The following RLF variants were observed in gnomAD, a reference collection of about 807,000 sequenced individuals.
RLF encodes RLF zinc finger.
RLF carries 7 observed loss-of-function variants against 162.9 expected under a neutral mutation model. The ratio of observed to expected loss-of-function variants is 0.04; its 90% CI spans 0.02 to 0.08. The LOEUF is 0.08. Among genes scored for constraint, RLF ranks in the 10% least tolerant of loss-of-function variants. The probability of loss-of-function intolerance (pLI) is 1.00; values close to 1 mark genes in which losing one functional copy is unlikely to be tolerated. For missense variants in RLF, 1,664 were observed against 2,244.7 expected (o/e 0.74, Z 5.23); for synonymous variants, 782 against 791.5 (o/e 0.99, Z 0.20).
chr1:40,214,483 G>A (rs181762484), intron 5 of RLF, among the ~76,000 whole-genome samples: 2 of 152,306 alleles, frequency 1.3e-5, no homozygotes, highest in East Asian at 3.9e-4. Flanking sequence ...GCGCATGTTT[G>A]TGAAGTGATC....
chr1:40,168,300 G>A (rs1293616831), intron 1 of RLF, among the ~76,000 whole-genome samples: 1 of 152,166 alleles, frequency 6.6e-6, no homozygotes, highest in Non-Finnish European at 1.5e-5. Context: ...CCAGGCTGGA[G>A]TGCAATGGTA....
chr1:40,227,017 C>T (rs1428733221), intron 6 of RLF, among the ~76,000 whole-genome samples: 2 of 152,136 alleles, frequency 1.3e-5, no homozygotes, highest in Non-Finnish European at 2.9e-5. Flanking sequence ...GTGCCAGCCA[C>T]CACGCCTGGC....
At chr1:40,197,765 G>C (rs964965434) in intron 4 of RLF, among the ~76,000 whole-genome samples, 1 of 152,168 alleles carries the variant, frequency 6.6e-6, no homozygotes, top group Non-Finnish European at 1.5e-5. Context: ...TAAGTGGTGG[G>C]TAACATGTAG....
At position 40,237,891 on chromosome 1, in the gene RLF, T is replaced by G; in HGVS notation, c.3189T>G (p.Leu1063=). 6.2e-7 allele frequency: 1 copy of G among 1,614,174 alleles called. No homozygotes were observed. Among genetic ancestry groups the G allele is most frequent in the Non-Finnish European group, 8.5e-7 (1 of 1,180,014 alleles). ...RPCTEDTMLE[L]LLRLKHLSLK... ...GTACAGAGGATACCATGTTGGAACT[T>G]CTGTTACGCTTGAAACATTTAAGCT... Residue 1063 remains leucine, a synonymous_variant, in exon 8 of 8, where the codon CTT becomes CTG. Transcript: ENST00000372771. This position sits in a 1 kb window ranked among gnomAD's most constrained non-coding sequence, Gnocchi z 4.4.
chr1:40,236,050 T>G lies in RLF; in HGVS notation c.1348T>G (p.Ser450Ala), dbSNP rs942611000. 3 of 1,613,764 alleles carry G rather than the reference T, an allele frequency of 1.9e-6. No homozygotes were observed. In the African/African-American group the frequency reaches 4.0e-5, roughly 22 times the overall value. ...FDEENAPVPN[S>A]LRCELLLALK... ...TGAAGAAAATGCACCGGTTCCAAAT[T>G]CTCTTCGATGTGAGCTCTTACTAGC... The change falls in exon 8 of 8, where the codon TCT (serine) becomes GCT (alanine). Residue 450 changes from serine (S) to alanine (A), a missense_variant. Coordinates refer to ENST00000372771, the MANE Select transcript of RLF (RefSeq NM_012421.4). This position sits in a 1 kb window ranked among gnomAD's most constrained non-coding sequence, Gnocchi z 7.7.
At position 40,161,735 on chromosome 1, in the gene RLF, C is replaced by T; in HGVS notation, c.237+99C>T. On this transcript the variant is annotated intron_variant, in intron 1 of 7. Transcript: ENST00000372771. This position sits in a 1 kb window ranked among gnomAD's most constrained non-coding sequence, Gnocchi z 4.4. ...GCAGCCGGGTCCAAACTGAAAGGCG[C>T]CACCTCCGTGACTCGCCGCGCCCCC... The T allele has an allele frequency of 1.4e-6, 2 of 1,475,392 alleles. No homozygotes were observed. Among genetic ancestry groups the T allele is most frequent in the Non-Finnish European group, 9.0e-7 (1 of 1,115,528 alleles). The allele number at this position is 1,475,392 out of a possible 1,614,324, so 91.4% of individuals were successfully genotyped here.
intron 1 of RLF, among the ~76,000 whole-genome samples, chr1:40,185,656 CAA>C (rs1163398364): frequency 3.9e-4 from 15 of 38,748 alleles, no homozygotes; most frequent in African/African-American, 1.1e-3. Flanking sequence ...ACTAAAAATA[CAA>C]AAAAAAAAAA....
At chr1:40,216,933 T>A (rs1026319923) in intron 5 of RLF, among the ~76,000 whole-genome samples, 2 of 151,996 alleles carry the variant, frequency 1.3e-5, no homozygotes, top group African/African-American at 4.8e-5. Context: ...GCACCTGTAA[T>A]CCCAGCTACT....
intron 6 of RLF, among the ~76,000 whole-genome samples, chr1:40,225,285 T>C (rs1172078229): frequency 1.3e-5 from 2 of 152,106 alleles, no homozygotes; most frequent in Non-Finnish European, 2.9e-5. Flanking sequence ...AAATGTAAAC[T>C]ATGTAGCTAT....
At chr1:40,201,911 A>G (rs1463467236) in intron 4 of RLF, among the ~76,000 whole-genome samples, 1 of 152,114 alleles carries the variant, frequency 6.6e-6, no homozygotes, top group South Asian at 2.1e-4. Context: ...TGACCAAGGA[A>G]TCCTTTTTTT....
Position 40,238,983 on chromosome 1 carries a change from C to T in RLF, c.4281C>T (p.His1427=). The change falls in exon 8 of 8, where the codon CAC becomes CAT. Residue 1427 remains histidine (H), a synonymous_variant. Transcript: ENST00000372771. This position sits in a 1 kb window ranked among gnomAD's most constrained non-coding sequence, Gnocchi z 5.2. The part of the protein sequence containing the change: ...VFYTFNKLKH[H]LMEQHNIEGE... ...ATACATTCAACAAGTTGAAGCACCA[C>T]TTGATGGAACAGCATAATATTGAAG... is the stretch of plus-strand genomic sequence containing the variant. 1.2e-6 allele frequency: 2 copies of T among 1,614,152 alleles called. No individual in the cohort carries two copies. The highest frequency in any genetic ancestry group is 3.3e-4 in the Middle Eastern group (2 of 6,062).
chr1:40,162,421 G>A (rs1378267898), intron 1 of RLF, among the ~76,000 whole-genome samples: 1 of 152,084 alleles, frequency 6.6e-6, no homozygotes, highest in African/African-American at 2.4e-5. Flanking sequence ...AGATTTTTCT[G>A]TATGTTTTCA....
chr1:40,238,858 T>G lies in RLF; in HGVS notation c.4156T>G (p.Ser1386Ala). ...AGCTCTTGCTAAGCACTGTAGTGAT[T>G]CTCATAACCTAGACCATATTGAAGA... The part of the protein sequence containing the change: ...SKALAKHCSD[S>A]HNLDHIEEPK... Residue 1386 changes from serine (S) to alanine (A), a missense_variant, in exon 8 of 8, where the codon TCT becomes GCT. Coordinates refer to ENST00000372771, the MANE Select transcript of RLF (RefSeq NM_012421.4). This position sits in a 1 kb window ranked among gnomAD's most constrained non-coding sequence, Gnocchi z 5.2. The G allele has an allele frequency of 6.2e-7, 1 of 1,614,216 alleles. No individual in the cohort carries two copies. Among genetic ancestry groups the G allele is most frequent in the Non-Finnish European group, 8.5e-7 (1 of 1,180,016 alleles).
intron 1 of RLF, among the ~76,000 whole-genome samples, chr1:40,174,264 G>A (rs551660674): frequency 6.6e-6 from 1 of 152,056 alleles, no homozygotes; most frequent in South Asian, 2.1e-4. Context: ...CCAGCTACTC[G>A]GGAGGCTGAG....
At chr1:40,177,516 A>G (rs1030746064) in intron 1 of RLF, among the ~76,000 whole-genome samples, 2 of 151,618 alleles carry the variant, frequency 1.3e-5, no homozygotes, top group East Asian at 1.9e-4. Flanking sequence ...GATGGGGTCT[A>G]TCTCCTGACC....
At chr1:40,169,354 C>T (rs977914319) in intron 1 of RLF, among the ~76,000 whole-genome samples, 4 of 152,182 alleles carry the variant, frequency 2.6e-5, no homozygotes, top group African/African-American at 7.2e-5. Context: ...CGGTGGCTCA[C>T]GCCTGTAGTC....
intron 5 of RLF, among the ~76,000 whole-genome samples, chr1:40,206,026 A>G (rs527296100): frequency 2.0e-5 from 3 of 152,194 alleles, no homozygotes; most frequent in African/African-American, 4.8e-5. Flanking sequence ...AATACCAACT[A>G]TGGTCTGACT....
At chr1:40,218,652 C>A (rs1012048223) in intron 5 of RLF, among the ~76,000 whole-genome samples, 1 of 152,170 alleles carries the variant, frequency 6.6e-6, no homozygotes, top group African/African-American at 2.4e-5. Flanking sequence ...CCCGAGAATT[C>A]TTTTCCTTGG....
intron 3 of RLF, among the ~76,000 whole-genome samples, chr1:40,194,500 C>T (rs1412185057): frequency 2.6e-5 from 4 of 151,266 alleles, no homozygotes; most frequent in Non-Finnish European, 5.9e-5. Flanking sequence ...ATTAGCCAGG[C>T]GTGGTGGCAG....
Sources: gnomAD v4.1 joint callset for allele counts (sites outside exome capture counted in the v4.1 genomes callset) on GRCh38, gnomAD v4.1.1 for gene constraint, Gnocchi (gnomAD v3.1) non-coding constraint, MANE v1.5 for transcripts, NCBI Gene and HGNC (gene_info 2026-07-23, HGNC 2026-07-21) for gene names.